Variants in MAP3K5 observed in about 807,000 individuals in gnomAD.
MAP3K5 encodes the protein ASK-1.
In MAP3K5, 56 loss-of-function variants were observed where a neutral mutation model predicts 158.7. That is an observed-to-expected ratio of 0.35 (90% CI 0.28 to 0.44). MAP3K5 has a LOEUF of 0.44. Ranked by LOEUF, MAP3K5 falls within the 20% of genes least tolerant of loss-of-function variation. The pLI, the probability that MAP3K5 is intolerant of heterozygous loss-of-function variation, is 1.00. For synonymous variants in MAP3K5, 579 were observed against 601.7 expected (o/e 0.96, Z 0.55); for missense variants, 1,294 against 1,674.8 (o/e 0.77, Z 3.97).
At chr6:136,736,711 G>C (rs187488773) in intron 1 of MAP3K5, among the ~76,000 whole-genome samples, 1 of 152,148 alleles carries the variant, frequency 6.6e-6, no homozygotes, top group African/African-American at 2.4e-5. Flanking sequence ...TTGTTTTAGA[G>C]ACAGAGTCTC....
chr6:136,595,204 G>A (rs547036026), intron 21 of MAP3K5, among the ~76,000 whole-genome samples: 1 of 152,216 alleles, frequency 6.6e-6, no homozygotes, highest in Admixed American at 6.5e-5. Flanking sequence ...TACAACCTCC[G>A]CCTCCTAGGT....
intron 24 of MAP3K5, among the ~76,000 whole-genome samples, chr6:136,580,748 AC>A (rs1305225967): frequency 6.6e-6 from 1 of 152,076 alleles, no homozygotes; most frequent in Non-Finnish European, 1.5e-5. Context: ...GGTCTAAGAG[AC>A]TTTAAATAAA....
intron 26 of MAP3K5, among the ~76,000 whole-genome samples, chr6:136,565,449 T>G (rs1001229511): frequency 1.3e-5 from 2 of 152,152 alleles, no homozygotes; most frequent in African/African-American, 4.8e-5. Flanking sequence ...TTTTTGTTTT[T>G]GAGATAGGGT....
chr6:136,745,509 A>G (rs1416577308), intron 1 of MAP3K5, among the ~76,000 whole-genome samples: 1 of 152,108 alleles, frequency 6.6e-6, no homozygotes, highest in East Asian at 1.9e-4. Flanking sequence ...AACGCTCCCC[A>G]CTGAATGGCT....
intron 1 of MAP3K5, among the ~76,000 whole-genome samples, chr6:136,741,584 G>A (rs529166715): frequency 6.7e-6 from 1 of 149,836 alleles, no homozygotes; most frequent in Non-Finnish European, 1.5e-5. Flanking sequence ...TGAAGAAAAG[G>A]GCAAAGCTGT....
At chr6:136,667,615 G>T (rs1219658649) in intron 8 of MAP3K5, among the ~76,000 whole-genome samples, 3 of 151,888 alleles carry the variant, frequency 2.0e-5, no homozygotes, top group African/African-American at 4.8e-5. Flanking sequence ...AATAGCAGAG[G>T]TTTTTGAAAA....
At chr6:136,653,077 G>A (rs940222419) in intron 10 of MAP3K5, among the ~76,000 whole-genome samples, 1 of 152,162 alleles carries the variant, frequency 6.6e-6, no homozygotes, top group Non-Finnish European at 1.5e-5. Flanking sequence ...ATAAAGGATA[G>A]ATATTAACCA....
intron 7 of MAP3K5, among the ~76,000 whole-genome samples, chr6:136,678,832 T>C (rs1779813776): frequency 6.6e-6 from 1 of 152,072 alleles, no homozygotes; most frequent in Non-Finnish European, 1.5e-5. Context: ...TTCAAGCAAT[T>C]CTCCTGCCTC....
chr6:136,759,459 TATATATATATATATA>T (rs1224306459), intron 1 of MAP3K5, among the ~76,000 whole-genome samples: 1 of 130,376 alleles, frequency 7.7e-6, no homozygotes, highest in African/African-American at 3.3e-5. Flanking sequence ...TAAAACTATA[TATATATATATATATA>T]TATATATAAA....
At chr6:136,733,893 A>G (rs1413284690) in intron 1 of MAP3K5, among the ~76,000 whole-genome samples, 1 of 152,212 alleles carries the variant, frequency 6.6e-6, no homozygotes, top group Non-Finnish European at 1.5e-5. Flanking sequence ...TGTATCTACC[A>G]CTAAAGTATC....
At chr6:136,763,943 C>T (rs1316244685) in intron 1 of MAP3K5, among the ~76,000 whole-genome samples, 4 of 152,298 alleles carry the variant, frequency 2.6e-5, no homozygotes, top group Non-Finnish European at 5.9e-5. Context: ...GCAGAGAGTA[C>T]CCACCAACAA....
At chr6:136,611,864 C>T (rs988097348) in intron 17 of MAP3K5, among the ~76,000 whole-genome samples, 3 of 152,348 alleles carry the variant, frequency 2.0e-5, no homozygotes, top group Middle Eastern at 3.4e-3. Context: ...TGATTATCAG[C>T]CCATTATTCT....
intron 1 of MAP3K5, among the ~76,000 whole-genome samples, chr6:136,777,494 C>T (rs1477158462): frequency 1.3e-5 from 2 of 152,144 alleles, no homozygotes; most frequent in African/African-American, 4.8e-5. Context: ...CCTGGATCAA[C>T]CAAAGCTAGT....
At chr6:136,769,793 A>AGGGAGGG (rs1554317509) in intron 1 of MAP3K5, among the ~76,000 whole-genome samples, 6 of 15,798 alleles carry the variant, frequency 3.8e-4, no homozygotes, top group African/African-American at 1.4e-3. Context: ...GGAAGGAAGG[A>AGGGAGGG]AGGGAGGGAG....
At chr6:136,580,459 A>C in intron 24 of MAP3K5, 53 bp from the exon 25 acceptor site, 2 of 1,071,230 alleles carry the variant, frequency 1.9e-6, no homozygotes, top group Non-Finnish European at 2.9e-6. Context: ...CAAATAGCCT[A>C]GATGATCGAA....
chr6:136,572,235 C>A (rs1774401616), intron 25 of MAP3K5, among the ~76,000 whole-genome samples: 1 of 152,052 alleles, frequency 6.6e-6, no homozygotes, highest in Non-Finnish European at 1.5e-5. Context: ...TATAATTATT[C>A]TTCAATTTAT....
intron 2 of MAP3K5, among the ~76,000 whole-genome samples, chr6:136,718,854 A>G (rs574957670): frequency 6.6e-6 from 1 of 152,324 alleles, no homozygotes; most frequent in East Asian, 1.9e-4. Context: ...AATCTCCAAC[A>G]TAATAGGGCC....
At chr6:136,631,484 T>C (rs142032906) in intron 14 of MAP3K5, among the ~76,000 whole-genome samples, 34 of 152,250 alleles carry the variant, frequency 2.2e-4, no homozygotes, top group African/African-American at 8.2e-4. Flanking sequence ...CTGCAGATAT[T>C]TGAGTCAAAT....
chr6:136,594,320 G>C lies in MAP3K5; in HGVS notation c.2879-1706C>G, dbSNP rs560784806. Among the ~76,000 whole-genome samples, 3 of 152,294 alleles carry C rather than the reference G, an allele frequency of 2.0e-5. No individual in the cohort carries two copies. The South Asian group carries it at 6.2e-4, about 32-fold the overall frequency. ...TAGTAAGGTTGTCTGAGAGAAGAAAGGTTTGAAGGGGGGCCCAAACACCAA... is the reference window on the plus strand; with the variant it reads ...TAGTAAGGTTGTCTGAGAGAAGAAACGTTTGAAGGGGGGCCCAAACACCAA... On this transcript the variant is annotated intron_variant, in intron 21 of 29. Coordinates refer to ENST00000359015, the MANE Select transcript of MAP3K5 (RefSeq NM_005923.4).
Sources: gnomAD v4.1 joint callset for allele counts (sites outside exome capture counted in the v4.1 genomes callset) on GRCh38, gnomAD v4.1.1 for gene constraint, MANE v1.5 for transcripts, NCBI Gene and HGNC (gene_info 2026-07-23, HGNC 2026-07-21) for gene names.